ZMYND8: variants seen among roughly 807,000 people sequenced by gnomAD.
ZMYND8 encodes the protein zinc finger MYND-type containing 8, also known as MYND-type zinc finger-containing chromatin reader ZMYND8.
A neutral mutation model predicts 140.8 loss-of-function variants in ZMYND8; 37 were observed. That is an observed-to-expected ratio of 0.26 (90% CI 0.20 to 0.35). The LOEUF (loss-of-function observed/expected upper bound fraction) is 0.35, where lower values mean the gene tolerates loss of function less well. ZMYND8 is among the 10% of genes least tolerant of loss of function. The probability of loss-of-function intolerance (pLI) is 1.00; values close to 1 mark genes in which losing one functional copy is unlikely to be tolerated. For synonymous variants in ZMYND8, 592 were observed against 597.1 expected, an observed-to-expected ratio of 0.99 and a Z score of 0.12; for missense variants, 1,068 against 1,570.0, an observed-to-expected ratio of 0.68 and a Z score of 5.40.
At chr20:47,345,089 A>T (rs932822341) in intron 2 of ZMYND8, among the ~76,000 whole-genome samples, 2 of 152,216 alleles carry the variant, frequency 1.3e-5, no homozygotes, top group African/African-American at 4.8e-5. Flanking sequence ...GATCAAGGAT[A>T]CAGTGAGCTA....
chr20:47,309,024 T>C lies in ZMYND8; in HGVS notation c.234+1032A>G, dbSNP rs185801001. 1.7e-4 allele frequency among the ~76,000 whole-genome samples: 26 copies of C among 152,294 alleles called. No homozygotes were observed. The South Asian group carries it at 2.9e-3, about 17-fold the overall frequency. On this transcript the variant is annotated intron_variant, in intron 3 of 22. Coordinates refer to ENST00000471951, the MANE Select transcript of ZMYND8 (RefSeq NM_001281775.3). ...TTCAGTGCTATGAGATCCGACCTCA[T>C]AGTCCAGGGGGATAGATACAATCCA...
chr20:47,325,593 A>G (rs1344265910), intron 2 of ZMYND8, among the ~76,000 whole-genome samples: 1 of 152,160 alleles, frequency 6.6e-6, no homozygotes, highest in Non-Finnish European at 1.5e-5. Flanking sequence ...TCTCCTTTCA[A>G]CAGGTACTCA....
chr20:47,228,391 T>C (rs963521715), intron 17 of ZMYND8, among the ~76,000 whole-genome samples: 6 of 152,198 alleles, frequency 3.9e-5, no homozygotes, highest in Non-Finnish European at 8.8e-5. Flanking sequence ...ATGGTGTCTC[T>C]AATTGTGGGG....
chr20:47,332,825 G>A (rs1186883509), intron 2 of ZMYND8, among the ~76,000 whole-genome samples: 2 of 152,206 alleles, frequency 1.3e-5, no homozygotes, highest in Admixed American at 1.3e-4. Context: ...GAGAAATGAT[G>A]TGTCGTGTCT....
rs1156907790 is a variant in ZMYND8 at position 47,246,043 on chromosome 20, T to C, written c.2249A>G (p.Lys750Arg). 1 of 1,606,264 alleles carries C rather than the reference T, an allele frequency of 6.2e-7. No homozygotes were observed. Among genetic ancestry groups the C allele is most frequent in the Admixed American group, 1.7e-5 (1 of 57,720 alleles). Reference sequence around the variant, plus strand: ...GGGAGATGGTTCTTTGGGTTCCTTCTTATTTTTTCGACCCTCCCGCCCAGA... The same window carrying C: ...GGGAGATGGTTCTTTGGGTTCCTTCCTATTTTTTCGACCCTCCCGCCCAGA... ...DHSGREGRKN[K>R]KEPKEPSPKQ... The change falls in exon 14 of 23, where the codon AAG becomes AGG. Residue 750 changes from lysine (K) to arginine (R), a missense_variant. Around this residue, in one of 10 missense-constraint regions of ZMYND8, gnomAD observed 383 missense variants for 431.2 expected, o/e 0.89. Transcript: ENST00000471951.
intron 14 of ZMYND8, among the ~76,000 whole-genome samples, chr20:47,240,275 G>T (rs982492786): frequency 6.6e-6 from 1 of 151,992 alleles, no homozygotes; most frequent in Non-Finnish European, 1.5e-5. Context: ...AACACTTTAG[G>T]AGGCTGAGGT....
intron 2 of ZMYND8, among the ~76,000 whole-genome samples, chr20:47,344,258 G>T (rs2082156938): frequency 6.6e-6 from 1 of 152,130 alleles, no homozygotes; most frequent in Admixed American, 6.6e-5. Context: ...GATTACAGGT[G>T]TGAGCCACTG....
chr20:47,209,582 TGAA>T lies in ZMYND8; in HGVS notation c.*1176_*1178del, dbSNP rs2034989517. ...TGTACAGTTCGCATCCTCTTAACAA[TGAA>T]GAGAAAGTAAACAAGACTAAAATGT... On this transcript the variant is annotated 3_prime_UTR_variant, in exon 23 of 23. Coordinates refer to ENST00000471951, the MANE Select transcript of ZMYND8 (RefSeq NM_001281775.3). 1.3e-5 allele frequency: 2 copies of T among 152,252 alleles called. No individual in the cohort carries two copies. Among genetic ancestry groups the T allele is most frequent in the Admixed American group, 1.3e-4 (2 of 15,272 alleles). The allele number at this position is 152,252 out of a possible 1,614,324, so 9.4% of individuals were successfully genotyped here. A position where few individuals can be genotyped will look rare whatever the true frequency, so the allele number is the denominator to read the frequency against.
intron 10 of ZMYND8, among the ~76,000 whole-genome samples, chr20:47,279,341 G>A (rs1259657607): frequency 3.3e-5 from 5 of 151,912 alleles, no homozygotes; most frequent in East Asian, 1.9e-4. Context: ...GTGGTGGCAC[G>A]CCCCTGTAAT....
chr20:47,236,565 C>T, intron 15 of ZMYND8, 49 bp from the exon 16 acceptor site: 1 of 1,483,502 alleles, frequency 6.7e-7, no homozygotes, highest in Non-Finnish European at 9.0e-7. Context: ...GGACCCATCC[C>T]AGCACAAAGC....
chr20:47,231,573 G>A (rs994603316), intron 16 of ZMYND8, among the ~76,000 whole-genome samples: 11 of 152,316 alleles, frequency 7.2e-5, no homozygotes, highest in East Asian at 3.9e-4. Context: ...ATGCAATTGC[G>A]TAATTGCTGC....
At chr20:47,268,977 G>T (rs2147681694) in intron 11 of ZMYND8, among the ~76,000 whole-genome samples, 1 of 152,252 alleles carries the variant, frequency 6.6e-6, no homozygotes, top group South Asian at 2.1e-4. Context: ...AAGGCAGGCA[G>T]ATCATCTGAG....
chr20:47,250,854 G>A (rs1275320913), intron 12 of ZMYND8, among the ~76,000 whole-genome samples: 1 of 152,108 alleles, frequency 6.6e-6, no homozygotes, highest in Non-Finnish European at 1.5e-5. Flanking sequence ...TCAGCCCCCA[G>A]GATAAGATTA....
chr20:47,342,551 G>GAA (rs1186731270), intron 2 of ZMYND8, among the ~76,000 whole-genome samples: 2 of 91,962 alleles, frequency 2.2e-5, no homozygotes, highest in Admixed American at 1.2e-4. Flanking sequence ...CTGTCTCAAA[G>GAA]AAAAAAAAAA....
chr20:47,210,532 T>G lies in ZMYND8; in HGVS notation c.*229A>C. On this transcript the variant is annotated 3_prime_UTR_variant, in exon 23 of 23. Coordinates refer to ENST00000471951, the MANE Select transcript of ZMYND8 (RefSeq NM_001281775.3). ...TTCAATGACATCCACAAATTGTACA[T>G]TATTTACACCAAAAGCACAGGGCTC... 1 of 515,906 alleles carries G rather than the reference T, an allele frequency of 1.9e-6. No individual in the cohort carries two copies. The allele number at this position is 515,906 out of a possible 1,614,324, so 32.0% of individuals were successfully genotyped here. A position where few individuals can be genotyped will look rare whatever the true frequency, so the allele number is the denominator to read the frequency against.
intron 2 of ZMYND8, among the ~76,000 whole-genome samples, chr20:47,337,271 GA>G (rs1569228934): frequency 6.6e-6 from 1 of 152,162 alleles, no homozygotes; most frequent in Non-Finnish European, 1.5e-5. Flanking sequence ...AGAATCAATT[GA>G]ATCCAGGAGG....
intron 19 of ZMYND8, among the ~76,000 whole-genome samples, chr20:47,224,087 G>C (rs975298423): frequency 6.6e-6 from 1 of 152,158 alleles, no homozygotes; most frequent in African/African-American, 2.4e-5. Flanking sequence ...CCTGAGAAGA[G>C]ATCAAGGGTT....
At position 47,276,612 on chromosome 20, in the gene ZMYND8, C is replaced by G. The variant is rs1463623516; in HGVS notation, c.1182G>C (p.Gln394His). 6.2e-7 allele frequency: 1 copy of G among 1,613,966 alleles called. No individual in the cohort carries two copies. The highest frequency in any genetic ancestry group is 1.1e-5 in the South Asian group (1 of 91,080). Residue 394 changes from glutamine (Q) to histidine (H), a missense_variant, in exon 11 of 23, where the codon CAG (glutamine) becomes CAC (histidine). Around this residue, in one of 10 missense-constraint regions of ZMYND8, gnomAD observed 49 missense variants for 94.1 expected, o/e 0.52. Coordinates refer to ENST00000471951, the MANE Select transcript of ZMYND8 (RefSeq NM_001281775.3). ...TGGTGGGATCGAGCAGCATTTGATA[C>G]TGGCTGTTGGGTGTGTAGGGTGTCC... ...PFRTPYTPNSQYQMLLDPTNP... is the reference protein window; with the variant it reads ...PFRTPYTPNSHYQMLLDPTNP...
chr20:47,272,332 C>T (rs775708036), intron 11 of ZMYND8, among the ~76,000 whole-genome samples: 38 of 152,152 alleles, frequency 2.5e-4, no homozygotes, highest in Non-Finnish European at 4.4e-4. Flanking sequence ...TTGTCTCGAC[C>T]TCCCAAAGTG....
Sources: allele counts gnomAD v4.1 joint callset (sites outside exome capture counted in the v4.1 genomes callset), GRCh38; gene constraint gnomAD v4.1.1; regional missense constraint gnomAD v4.1.1; transcripts MANE v1.5; gene names NCBI Gene and HGNC (gene_info 2026-07-23, HGNC 2026-07-21).